GXYLT1: variants seen among roughly 807,000 people sequenced by gnomAD.
GXYLT1 encodes glycosyltransferase 8 domain containing 3.
A neutral mutation model predicts 54.0 loss-of-function variants in GXYLT1; 29 were observed. That is an observed-to-expected ratio of 0.54 (90% CI 0.40 to 0.73). GXYLT1 has a LOEUF of 0.73. Among genes scored for constraint, GXYLT1 ranks in the 30% least tolerant of loss-of-function variants. The pLI, the probability that GXYLT1 is intolerant of heterozygous loss-of-function variation, is 0.00. For missense variants in GXYLT1, 490 were observed against 553.4 expected (o/e 0.89, Z 1.15); for synonymous variants, 176 against 204.1 (o/e 0.86, Z 1.17).
chr12:42,123,368 T>C (rs914990717), intron 2 of GXYLT1, among the ~76,000 whole-genome samples: 1 of 152,184 alleles, frequency 6.6e-6, no homozygotes, highest in African/African-American at 2.4e-5. Flanking sequence ...TCAAATGGTT[T>C]GGCAGAAAAA....
At chr12:42,118,888 A>C (rs1217228899) in intron 3 of GXYLT1, 112 bp downstream of exon 3, 4 of 755,838 alleles carry the variant, frequency 5.3e-6, no homozygotes, top group Non-Finnish European at 4.0e-6. Context: ...TAAATTACCA[A>C]GTCTCAGGTA....
At chr12:42,143,971 C>T (rs1273301450) in intron 1 of GXYLT1, among the ~76,000 whole-genome samples, 2 of 152,102 alleles carry the variant, frequency 1.3e-5, no homozygotes, top group Non-Finnish European at 2.9e-5. Context: ...GGAAAATCAG[C>T]ATGAGGGACA....
chr12:42,113,465 A>C (rs2065472167), intron 3 of GXYLT1, among the ~76,000 whole-genome samples: 2 of 151,168 alleles, frequency 1.3e-5, no homozygotes, highest in South Asian at 4.1e-4. Context: ...AAACAAAAAA[A>C]GGCAGGGGTT....
chr12:42,097,379 C>T, intron 7 of GXYLT1, 63 bp downstream of exon 7: 2 of 1,289,700 alleles, frequency 1.6e-6, no homozygotes, highest in Non-Finnish European at 2.1e-6. Flanking sequence ...TTTTTGTAAA[C>T]TAACCATTAG....
chr12:42,099,728 T>C (rs2065378720), intron 5 of GXYLT1, among the ~76,000 whole-genome samples: 1 of 152,144 alleles, frequency 6.6e-6, no homozygotes. Context: ...TACACGCCTG[T>C]GGTCCCAGCT....
intron 1 of GXYLT1, among the ~76,000 whole-genome samples, chr12:42,131,920 AATTT>A (rs748503259): frequency 6.6e-6 from 1 of 152,182 alleles, no homozygotes; most frequent in Non-Finnish European, 1.5e-5. Context: ...ACAAATGCAC[AATTT>A]ATTTACAATC....
chr12:42,134,093 G>A (rs918305801), intron 1 of GXYLT1, among the ~76,000 whole-genome samples: 1 of 145,690 alleles, frequency 6.9e-6, no homozygotes, highest in Non-Finnish European at 1.5e-5. Flanking sequence ...CCAGTTACTC[G>A]GGAGGCTGAG....
chr12:42,140,209 GGGGA>G (rs895612087), intron 1 of GXYLT1, among the ~76,000 whole-genome samples: 4 of 129,568 alleles, frequency 3.1e-5, no homozygotes, highest in Admixed American at 2.3e-4. Context: ...GCGGGGGGGG[GGGGA>G]CTTCACTAAA....
intron 5 of GXYLT1, among the ~76,000 whole-genome samples, chr12:42,098,760 C>CATATATATATATATAT (rs60199719): frequency 0.04 from 3,888 of 96,336 alleles, 203 homozygotes; most frequent in African/African-American, 0.062. Context: ...AAATTTAAAA[C>CATATATATATATATAT]ATATATATAT....
At chr12:42,111,486 C>T (rs1038325557) in intron 3 of GXYLT1, among the ~76,000 whole-genome samples, 1 of 152,240 alleles carries the variant, frequency 6.6e-6, no homozygotes, top group Admixed American at 6.5e-5. Flanking sequence ...GATTATATCC[C>T]TCACCTGGCT....
chr12:42,111,286 G>A (rs569499360), intron 3 of GXYLT1, among the ~76,000 whole-genome samples: 95 of 152,362 alleles, frequency 6.2e-4, no homozygotes, highest in Non-Finnish European at 1.0e-3. Flanking sequence ...GTAGGTGCAG[G>A]ACAGTGGCTG....
In GXYLT1 at chr12:42,087,698, C is replaced by T; in HGVS notation, c.*88G>A. The T allele has an allele frequency of 1.1e-6, 1 of 938,464 alleles. No individual in the cohort carries two copies. Among genetic ancestry groups the T allele is most frequent in the Non-Finnish European group, 1.5e-6 (1 of 645,234 alleles). The allele number at this position is 938,464 out of a possible 1,614,324, so 58.1% of individuals were successfully genotyped here. On this transcript the variant is annotated 3_prime_UTR_variant, in exon 8 of 8. Transcript: ENST00000398675. The stretch of plus-strand genomic sequence containing the variant: ...AAATTATTCTGGAGATGAGTAATTC[C>T]TTCCTGAATACTTCATCCAAGACGA...
rs2065264298 is a variant in GXYLT1 at position 42,083,349 on chromosome 12, G to C, written c.*4437C>G. Reference sequence around the variant, plus strand: ...TTTGGCAATGGATAAAAGAATAACTGTTATAATACAAATCTTTATTTAATC... The same window carrying C: ...TTTGGCAATGGATAAAAGAATAACTCTTATAATACAAATCTTTATTTAATC... On this transcript the variant is annotated 3_prime_UTR_variant, in exon 8 of 8. Transcript: ENST00000398675. The C allele has an allele frequency of 1.8e-5, 2 of 108,542 alleles. No individual in the cohort carries two copies. The highest frequency in any genetic ancestry group is 3.9e-5 in the Non-Finnish European group (2 of 51,612). The allele number at this position is 108,542 out of a possible 1,614,324, so 6.7% of individuals were successfully genotyped here.
chr12:42,111,632 G>C (rs533836423), intron 3 of GXYLT1, among the ~76,000 whole-genome samples: 1 of 152,250 alleles, frequency 6.6e-6, no homozygotes, highest in African/African-American at 2.4e-5. Context: ...AAACAAAGTG[G>C]CCAGGAAGCT....
chr12:42,089,312 G>A (rs529530476), intron 7 of GXYLT1, among the ~76,000 whole-genome samples: 28 of 126,248 alleles, frequency 2.2e-4, no homozygotes, highest in Admixed American at 9.2e-4. Context: ...ACAGGAAGGG[G>A]AACATCACAC....
In GXYLT1 at chr12:42,097,525, T is replaced by C. The variant is rs1313024283; in HGVS notation, c.1078A>G (p.Ile360Val). The change falls in exon 7 of 8, where the codon ATC becomes GTC. Residue 360 changes from isoleucine to valine, a missense_variant. Ile to Val is a conservative substitution (Grantham distance 29). Coordinates refer to ENST00000398675, the MANE Select transcript of GXYLT1 (RefSeq NM_173601.2). ...SNCQEAEEGG[I>V]FILHGNRGVY... ...CCTCTGTTCCCATGAAGAATAAAGA[T>C]TCCTCCTTCTTCTGCTTCTTGGCAA... 1.2e-6 allele frequency: 2 copies of C among 1,611,146 alleles called. No individual in the cohort carries two copies. Among genetic ancestry groups the C allele is most frequent in the South Asian group, 2.2e-5 (2 of 90,928 alleles).
chr12:42,119,870 G>A (rs1158066571), intron 2 of GXYLT1, among the ~76,000 whole-genome samples: 1 of 152,162 alleles, frequency 6.6e-6, no homozygotes, highest in African/African-American at 2.4e-5. Context: ...TTTTAAAAAT[G>A]TTGAATCAAT....
intron 1 of GXYLT1, 29 bp from the exon 2 acceptor site, chr12:42,129,880 C>A: frequency 1.4e-6 from 2 of 1,442,650 alleles, no homozygotes; most frequent in Non-Finnish European, 1.9e-6. Context: ...AATAAGAGTC[C>A]TGTGTGAGTA....
At chr12:42,107,681 ACT>A (rs1390995429) in intron 4 of GXYLT1, among the ~76,000 whole-genome samples, 4 of 149,536 alleles carry the variant, frequency 2.7e-5, no homozygotes, top group Non-Finnish European at 4.4e-5. Flanking sequence ...ATAGAGCAAG[ACT>A]CTGTCTCAAA....
Sources: gnomAD v4.1 joint callset for allele counts (sites outside exome capture counted in the v4.1 genomes callset) on GRCh38, gnomAD v4.1.1 for gene constraint, MANE v1.5 for transcripts, NCBI Gene and HGNC (gene_info 2026-07-23, HGNC 2026-07-21) for gene names.